The following CMTM6 variants were observed in gnomAD, a reference collection of about 807,000 sequenced individuals.
CMTM6 encodes the protein CKLF like MARVEL transmembrane domain containing 6.
CMTM6 carries 5 observed loss-of-function variants against 13.6 expected under a neutral mutation model. The observed-to-expected ratio is 0.37, with a 90% confidence interval of 0.19 to 0.77. The LOEUF is 0.77. Among genes scored for constraint, CMTM6 ranks in the 30% least tolerant of loss-of-function variants. The pLI, the probability that CMTM6 is intolerant of heterozygous loss-of-function variation, is 0.50. For missense variants in CMTM6, 196 were observed against 218.6 expected (o/e 0.90, Z 0.65); for synonymous variants, 99 against 84.5 (o/e 1.17, Z -0.94).
At position 32,483,112 on chromosome 3, in the gene CMTM6, T is replaced by TGACC; in HGVS notation, c.*847_*848insGGTC. The TGACC allele has an allele frequency of 6.5e-6, 1 of 152,806 alleles. No individual in the cohort carries two copies. Among genetic ancestry groups the TGACC allele is most frequent in the East Asian group, 1.9e-4 (1 of 5,192 alleles). The allele number at this position is 152,806 out of a possible 1,614,324, so 9.5% of individuals were successfully genotyped here. A position where few individuals can be genotyped will look rare whatever the true frequency, so the allele number is the denominator to read the frequency against. ...CATAGTATGAACTCATCTCTTCAGA[T>TGACC]ACTTGGTAAGTGGTCAAAGCTTGTT... On this transcript the variant is annotated 3_prime_UTR_variant, in exon 4 of 4. Coordinates refer to ENST00000205636, the MANE Select transcript of CMTM6 (RefSeq NM_017801.3).
chr3:32,502,765 C>T lies in CMTM6; in HGVS notation c.-20G>A. 7.1e-7 allele frequency: 1 copy of T among 1,409,806 alleles called. No homozygotes were observed. Among genetic ancestry groups the T allele is most frequent in the Non-Finnish European group, 9.2e-7 (1 of 1,081,738 alleles). 87.3% of individuals were successfully genotyped at this position (1,409,806 alleles called of 1,614,324 possible). On this transcript the variant is annotated 5_prime_UTR_variant, in exon 1 of 4. Transcript: ENST00000205636. ...CTCCATCGCCTCGGGCCGGGGAGCG[C>T]GGCGGCCGCAGCAACCGCGCCGTTG...
In CMTM6 at chr3:32,483,839, TC is replaced by T. The variant is rs1216842703; in HGVS notation, c.*120del. The T allele has an allele frequency of 9.8e-7, 1 of 1,020,832 alleles. No homozygotes were observed. Among genetic ancestry groups the T allele is most frequent in the African/African-American group, 1.6e-5 (1 of 60,756 alleles). 63.2% of individuals were successfully genotyped at this position (1,020,832 alleles called of 1,614,324 possible). ...ATTGATAAAACTGCCTTCTTGACCT[TC>T]CCCTTGCTCTCCAAAAGAAGTGGTT... On this transcript the variant is annotated 3_prime_UTR_variant, in exon 4 of 4. Coordinates refer to ENST00000205636, the MANE Select transcript of CMTM6 (RefSeq NM_017801.3).
intron 1 of CMTM6, among the ~76,000 whole-genome samples, chr3:32,498,738 C>T (rs1697317186): frequency 6.6e-6 from 1 of 151,810 alleles, no homozygotes; most frequent in East Asian, 1.9e-4. Flanking sequence ...CGCCACAATA[C>T]CCAGCTAATT....
At chr3:32,497,509 T>G (rs920174659) in intron 1 of CMTM6, among the ~76,000 whole-genome samples, 3 of 150,822 alleles carry the variant, frequency 2.0e-5, no homozygotes, top group African/African-American at 4.9e-5. Flanking sequence ...TTTTAATATT[T>G]TTAGTTGATT....
chr3:32,488,659 A>C lies in CMTM6; in HGVS notation c.316-623T>G, dbSNP rs74357099. ...CCAATAGTGTGTTTTTTAGACACTG[A>C]AGCTTTCTGGAATAACACATTGCCT... On this transcript the variant is annotated intron_variant, in intron 2 of 3. Transcript: ENST00000205636. Among the ~76,000 whole-genome samples the C allele has an allele frequency of 2.4e-4, 37 of 152,342 alleles. 1 individual carries two copies. In the East Asian group the frequency reaches 7.1e-3, roughly 29 times the overall value.
At chr3:32,501,026 T>C (rs1461551128) in intron 1 of CMTM6, among the ~76,000 whole-genome samples, 60 of 137,514 alleles carry the variant, frequency 4.4e-4, no homozygotes, top group African/African-American at 1.7e-3. Flanking sequence ...CGAAACCCCG[T>C]CTCTACCAAA....
chr3:32,492,407 G>C (rs1697257195), intron 1 of CMTM6, among the ~76,000 whole-genome samples: 1 of 152,218 alleles, frequency 6.6e-6, no homozygotes, highest in Non-Finnish European at 1.5e-5. Flanking sequence ...TAAGGGAAGA[G>C]AATGGCAGCA....
intron 1 of CMTM6, among the ~76,000 whole-genome samples, chr3:32,499,108 A>T (rs1364131961): frequency 2.6e-5 from 4 of 152,212 alleles, no homozygotes; most frequent in African/African-American, 9.7e-5. Context: ...TTAAAAATCC[A>T]TTGGTCTGAA....
chr3:32,489,718 T>C (rs1458845931), intron 2 of CMTM6, among the ~76,000 whole-genome samples: 1 of 152,154 alleles, frequency 6.6e-6, no homozygotes, highest in Non-Finnish European at 1.5e-5. Context: ...AGTACTTTAT[T>C]TTTTAATCCT....
In CMTM6 at chr3:32,481,425, A is replaced by G. The variant is rs1420173787; in HGVS notation, c.*2535T>C. ...GACAAATATAAAATGATTGGCTACA[A>G]TGTAAAAATACATTTCCCAGCCCCC... On this transcript the variant is annotated 3_prime_UTR_variant, in exon 4 of 4. Coordinates refer to ENST00000205636, the MANE Select transcript of CMTM6 (RefSeq NM_017801.3). 2.6e-5 allele frequency: 4 copies of G among 152,128 alleles called. No individual in the cohort carries two copies. The highest frequency in any genetic ancestry group is 6.5e-5 in the Admixed American group (1 of 15,286). 9.4% of individuals were successfully genotyped at this position (152,128 alleles called of 1,614,324 possible).
At chr3:32,497,598 G>A (rs189443) in intron 1 of CMTM6, among the ~76,000 whole-genome samples, 5 of 150,966 alleles carry the variant, frequency 3.3e-5, no homozygotes, top group Admixed American at 3.3e-4. Flanking sequence ...GGTGGCTCAC[G>A]CCTGTAATCC....
chr3:32,491,056 A>G lies in CMTM6; in HGVS notation c.315+654T>C, dbSNP rs201530167. ...CATAAAACAAATGAGTCCTGTTGTC[A>G]TTGTCATAGAAATTCCTATAGTGAT... On this transcript the variant is annotated intron_variant, in intron 2 of 3. Coordinates refer to ENST00000205636, the MANE Select transcript of CMTM6 (RefSeq NM_017801.3). Among the ~76,000 whole-genome samples the G allele has an allele frequency of 1.7e-4, 26 of 152,366 alleles. No homozygotes were observed. The East Asian group carries it at 4.8e-3, about 28-fold the overall frequency.
Position 32,499,246 on chromosome 3 carries a change from T to C in CMTM6, c.138+3362A>G, listed in dbSNP as rs145824473. Among the ~76,000 whole-genome samples, 6 of 152,326 alleles carry C rather than the reference T, an allele frequency of 3.9e-5. No homozygotes were observed. In the East Asian group the frequency reaches 1.2e-3, roughly 29 times the overall value. On this transcript the variant is annotated intron_variant, in intron 1 of 3. Coordinates refer to ENST00000205636, the MANE Select transcript of CMTM6 (RefSeq NM_017801.3). ...ACATTTCAATTTACTATACATCAGT[T>C]TTCATATTTAAATAATGAAAAGAGC...
chr3:32,488,072 A>G (rs770921287), intron 2 of CMTM6, 36 bp from the exon 3 acceptor site: 12 of 1,333,262 alleles, frequency 9.0e-6, no homozygotes, highest in South Asian at 2.5e-5. Context: ...GGAATACAAT[A>G]CAGTTAGATT....
At chr3:32,501,947 C>G (rs1016477466) in intron 1 of CMTM6, among the ~76,000 whole-genome samples, 7 of 152,216 alleles carry the variant, frequency 4.6e-5, no homozygotes, top group African/African-American at 1.7e-4. Context: ...TTAAAATAAA[C>G]TCAATAAAAT....
rs58720077 is a variant in CMTM6 at position 32,498,597 on chromosome 3, C to CTTTT, written c.138+4007_138+4010dup. ...CTCCATTTCAGTTTCACTACCCCTT[C>CTTTT]TTTTTTTTTTTTTTTTTTCTGAGAT... On this transcript the variant is annotated intron_variant, in intron 1 of 3. Coordinates refer to ENST00000205636, the MANE Select transcript of CMTM6 (RefSeq NM_017801.3). Among the ~76,000 whole-genome samples the CTTTT allele has an allele frequency of 7.0e-4, 89 of 127,042 alleles. 2 individuals are homozygous for CTTTT. Among genetic ancestry groups the CTTTT allele is most frequent in the African/African-American group, 2.3e-3 (76 of 32,740 alleles). The allele number at this position is 127,042 out of a possible 152,430, so 83.3% of individuals were successfully genotyped here.
chr3:32,497,192 G>C (rs1047506898), intron 1 of CMTM6, among the ~76,000 whole-genome samples: 1 of 151,706 alleles, frequency 6.6e-6, no homozygotes, highest in Non-Finnish European at 1.5e-5. Flanking sequence ...GACCATCCTG[G>C]CTAACATGGT....
intron 1 of CMTM6, among the ~76,000 whole-genome samples, chr3:32,500,719 G>A (rs1236756923): frequency 6.6e-6 from 1 of 152,148 alleles, no homozygotes; most frequent in African/African-American, 2.4e-5. Context: ...AATAAGGAAG[G>A]AAACTGGTTA....
intron 1 of CMTM6, among the ~76,000 whole-genome samples, chr3:32,499,924 G>A (rs1187472170): frequency 1.3e-5 from 2 of 150,540 alleles, no homozygotes; most frequent in African/African-American, 4.9e-5. Context: ...AACCTTAAGA[G>A]TGCAAAGAAC....
Sources: gnomAD v4.1 joint callset for allele counts (sites outside exome capture counted in the v4.1 genomes callset) on GRCh38, gnomAD v4.1.1 for gene constraint, MANE v1.5 for transcripts, NCBI Gene and HGNC (gene_info 2026-07-23, HGNC 2026-07-21) for gene names.